NAT10: variants seen among roughly 807,000 people sequenced by gnomAD.
The protein encoded by NAT10 is RNA cytidine acetyltransferase.
Under a neutral mutation model 132.2 loss-of-function variants are expected in NAT10, and 109 were observed. That is an observed-to-expected ratio of 0.82 (90% CI 0.71 to 0.97). The LOEUF (loss-of-function observed/expected upper bound fraction) is 0.97. Ranked by LOEUF, NAT10 falls within the 50% of genes least tolerant of loss-of-function variation. The pLI is 0.00. For missense variants in NAT10, 1,184 were observed against 1,263.4 expected (o/e 0.94, Z 0.95); for synonymous variants, 479 against 478.0 (o/e 1.00, Z -0.03).
At chr11:34,142,706 T>C (rs1852360038) in intron 27 of NAT10, among the ~76,000 whole-genome samples, 1 of 152,218 alleles carries the variant, frequency 6.6e-6, no homozygotes, top group Non-Finnish European at 1.5e-5. Flanking sequence ...AAGAAAGGAT[T>C]CTACTGCTAA....
Position 34,131,399 on chromosome 11 carries a change from T to A in NAT10, c.1388T>A (p.Val463Asp). ...GGAGCAGCGCGGACACTGTATGAGG[T>A]TTCCCTCCAGGAGTCAATCCGATAC... ...RLASARTLYE[V>D]SLQESIRYAP... The change falls in exon 14 of 29, where the codon GTT (valine) becomes GAT (aspartate). Residue 463 changes from valine to aspartate, a missense_variant. By Grantham distance (152) the Val-to-Asp change is radical (BLOSUM62 -3). Coordinates refer to ENST00000257829, the MANE Select transcript of NAT10 (RefSeq NM_024662.3). 1 of 1,613,880 alleles carries A rather than the reference T, an allele frequency of 6.2e-7. No homozygotes were observed. Among genetic ancestry groups the A allele is most frequent in the Non-Finnish European group, 8.5e-7 (1 of 1,179,890 alleles).
chr11:34,113,532 G>T (rs1851732734), intron 4 of NAT10, among the ~76,000 whole-genome samples, 184 bp from the exon 5 acceptor site: 1 of 151,412 alleles, frequency 6.6e-6, no homozygotes, highest in African/African-American at 2.4e-5. Context: ...GCCAGGCGCG[G>T]TGGCTCATGC....
intron 12 of NAT10, among the ~76,000 whole-genome samples, chr11:34,130,370 G>A (rs1191924027): frequency 2.0e-5 from 3 of 152,236 alleles, no homozygotes; most frequent in Admixed American, 6.5e-5. Context: ...CTTATGCACC[G>A]TACTTCTAAA....
chr11:34,121,987 C>T (rs1162637241), intron 8 of NAT10, among the ~76,000 whole-genome samples: 1 of 151,796 alleles, frequency 6.6e-6, no homozygotes, highest in South Asian at 2.1e-4. Flanking sequence ...ACCAGCCTGC[C>T]CAACATGGTG....
intron 28 of NAT10, among the ~76,000 whole-genome samples, chr11:34,145,240 G>A (rs970904531): frequency 5.9e-5 from 9 of 152,226 alleles, no homozygotes; most frequent in Admixed American, 5.9e-4. Context: ...AGCCTCTCGA[G>A]CCCAACAAAC....
chr11:34,122,950 T>C (rs556464437), intron 9 of NAT10, among the ~76,000 whole-genome samples: 33 of 152,314 alleles, frequency 2.2e-4, no homozygotes, highest in African/African-American at 7.9e-4. Flanking sequence ...AAGTACAAGT[T>C]TGACATTTTA....
chr11:34,118,385 C>G lies in NAT10; in HGVS notation c.673-11C>G, dbSNP rs777946161. ...CAGTGACAGACCTTCCCCTTCTCCT[C>G]TCTCTGGTAGGATGAGAGTCTTGGT... is the stretch of plus-strand genomic sequence containing the variant. On this transcript the variant is annotated splice_polypyrimidine_tract_variant and intron_variant, in intron 7 of 28. Transcript: ENST00000257829. The G allele has an allele frequency of 1.7e-5, 28 of 1,613,538 alleles. No individual in the cohort carries two copies. The East Asian group carries it at 2.7e-4, about 15-fold the overall frequency.
rs1221585939 is a variant in NAT10 at position 34,135,163 on chromosome 11, G to A, written c.1912-12G>A. On this transcript the variant is annotated splice_polypyrimidine_tract_variant and intron_variant, in intron 18 of 28. Coordinates refer to ENST00000257829, the MANE Select transcript of NAT10 (RefSeq NM_024662.3). Reference sequence around the variant, plus strand: ...CTTCCCTCGGCCTCTTCCCCTTCACGTTTGCTCCTAGATGGGCTATGGCAG... The same window carrying A: ...CTTCCCTCGGCCTCTTCCCCTTCACATTTGCTCCTAGATGGGCTATGGCAG... 3 of 1,610,642 alleles carry A rather than the reference G, an allele frequency of 1.9e-6. No individual in the cohort carries two copies. The highest frequency in any genetic ancestry group is 1.3e-5 in the African/African-American group (1 of 74,802).
intron 25 of NAT10, among the ~76,000 whole-genome samples, 190 bp downstream of exon 25, chr11:34,141,398 TCATCACA>T (rs1852326149): frequency 2.1e-5 from 3 of 144,852 alleles, no homozygotes; most frequent in Non-Finnish European, 4.5e-5. Context: ...TTGCTGCATC[TCATCACA>T]CATCACACAC....
At position 34,141,175 on chromosome 11, in the gene NAT10, A is replaced by G; in HGVS notation, c.2679A>G (p.Gly893=). 6.2e-7 allele frequency: 1 copy of G among 1,614,026 alleles called. No homozygotes were observed. The highest frequency in any genetic ancestry group is 8.5e-7 in the Non-Finnish European group (1 of 1,180,010). The part of the protein sequence containing the change: ...EIELPSGQLM[G]LFNRIIRKVV... ...AGCTGCCCTCGGGCCAGTTGATGGGACTTTTCAACCGGATCATCCGCAAAG... is the reference window on the plus strand; with the variant it reads ...AGCTGCCCTCGGGCCAGTTGATGGGGCTTTTCAACCGGATCATCCGCAAAG... Residue 893 remains glycine (G), a synonymous_variant, in exon 25 of 29, where the codon GGA becomes GGG. Transcript: ENST00000257829.
chr11:34,110,362 G>A (rs1426667658), intron 3 of NAT10, among the ~76,000 whole-genome samples: 1 of 151,290 alleles, frequency 6.6e-6, no homozygotes, highest in Non-Finnish European at 1.5e-5. Context: ...CCACCTCCCC[G>A]GTATCACCTA....
intron 10 of NAT10, 31 bp from the exon 11 acceptor site, chr11:34,124,271 A>G (rs1234372614): frequency 2.8e-6 from 4 of 1,452,466 alleles, no homozygotes; most frequent in East Asian, 4.5e-5. Flanking sequence ...ACTTGTTTCT[A>G]AAGTTTGTCA....
chr11:34,119,755 A>G (rs554384231), intron 8 of NAT10, among the ~76,000 whole-genome samples: 50 of 152,324 alleles, frequency 3.3e-4, no homozygotes, highest in African/African-American at 1.1e-3. Context: ...GGGTCATACT[A>G]CAGAGTGTAA....
intron 12 of NAT10, among the ~76,000 whole-genome samples, chr11:34,128,362 C>CAAAAAA (rs914837839): frequency 3.3e-4 from 22 of 67,160 alleles, no homozygotes; most frequent in Non-Finnish European, 4.9e-4. Context: ...AAAAACAAAA[C>CAAAAAA]AAAAAAAAAA....
At chr11:34,125,303 C>T (rs1040554451) in intron 11 of NAT10, among the ~76,000 whole-genome samples, 14 of 152,122 alleles carry the variant, frequency 9.2e-5, no homozygotes, top group African/African-American at 2.9e-4. Flanking sequence ...AATGAGAACA[C>T]GGAGACCTGT....
At position 34,143,474 on chromosome 11, in the gene NAT10, G is replaced by A. The variant is rs148378865; in HGVS notation, c.2915G>A (p.Trp972Ter). The part of the protein sequence containing the change: ...EYIIRGDDEE[W>*]NEVLNKAGPN... The stretch of plus-strand genomic sequence containing the variant: ...ATAATCCGTGGGGACGATGAAGAGT[G>A]GAATGAAGTTTTGAACAAAGCTGGG... Residue 972 changes from tryptophan (W) to a stop codon, truncating the protein, a stop_gained, in exon 28 of 29, where the codon TGG (tryptophan) becomes TAG (stop). Coordinates refer to ENST00000257829, the MANE Select transcript of NAT10 (RefSeq NM_024662.3). LOFTEE classifies it high-confidence loss of function. 20 of 1,613,982 alleles carry A rather than the reference G, an allele frequency of 1.2e-5. No individual in the cohort carries two copies. The highest frequency in any genetic ancestry group is 1.6e-5 in the Non-Finnish European group (19 of 1,179,994).
At chr11:34,108,160 T>A in intron 1 of NAT10, 51 bp from the exon 2 acceptor site, 1 of 1,290,900 alleles carries the variant, frequency 7.7e-7, no homozygotes, top group Non-Finnish European at 1.1e-6. Flanking sequence ...CCAGCTAATG[T>A]TCCTTAGACA....
intron 13 of NAT10, 68 bp downstream of exon 13, chr11:34,131,005 T>C: frequency 6.3e-7 from 1 of 1,584,702 alleles, no homozygotes; most frequent in South Asian, 1.1e-5. Context: ...GATCCTCGCT[T>C]CCCCTGTGAC....
At chr11:34,106,352 C>G (rs986094510) in intron 1 of NAT10, among the ~76,000 whole-genome samples, 5 of 152,040 alleles carry the variant, frequency 3.3e-5, no homozygotes, top group Non-Finnish European at 7.4e-5. Context: ...CCATCCAGGC[C>G]TTCCATGACA....
Sources: allele counts gnomAD v4.1 joint callset (sites outside exome capture counted in the v4.1 genomes callset), GRCh38; gene constraint gnomAD v4.1.1; transcripts MANE v1.5; gene names NCBI Gene and HGNC (gene_info 2026-07-23, HGNC 2026-07-21).